Variants in CDK6 observed in about 807,000 individuals in gnomAD.
The protein encoded by CDK6 is cyclin-dependent kinase 6.
A neutral mutation model predicts 37.1 loss-of-function variants in CDK6; 6 were observed. The observed-to-expected ratio is 0.16, with a 90% CI of 0.09 to 0.32. CDK6 has a LOEUF of 0.32. Ranked by LOEUF, CDK6 falls within the 10% of genes least tolerant of loss-of-function variation. CDK6 has a pLI of 1.00. For synonymous variants in CDK6, 160 were observed against 161.3 expected, an observed-to-expected ratio of 0.99 and a Z score of 0.06; for missense variants, 224 against 418.9, an observed-to-expected ratio of 0.53 and a Z score of 4.06.
chr7:92,639,723 C>T (rs1243657540), intron 5 of CDK6, among the ~76,000 whole-genome samples: 1 of 152,082 alleles, frequency 6.6e-6, no homozygotes, highest in Non-Finnish European at 1.5e-5. Flanking sequence ...TTTCCTTTAC[C>T]ACAGCCTCTA....
chr7:92,699,677 T>C (rs1797798703), intron 4 of CDK6, among the ~76,000 whole-genome samples: 1 of 152,222 alleles, frequency 6.6e-6, no homozygotes, highest in Admixed American at 6.5e-5. Flanking sequence ...GCCTACTAGG[T>C]GACAAGCATT....
At chr7:92,615,712 C>T (rs1375218832) in intron 7 of CDK6, among the ~76,000 whole-genome samples, 1 of 152,148 alleles carries the variant, frequency 6.6e-6, no homozygotes, top group Non-Finnish European at 1.5e-5. Context: ...GTAGCTCTCT[C>T]AGGGGACCAT....
chr7:92,769,659 G>A (rs990731090), intron 3 of CDK6, among the ~76,000 whole-genome samples: 1 of 152,100 alleles, frequency 6.6e-6, no homozygotes, highest in African/African-American at 2.4e-5. Context: ...TAGTAAAAGA[G>A]GGCATTACAT....
intron 7 of CDK6, among the ~76,000 whole-genome samples, chr7:92,616,578 G>A (rs1048390493): frequency 1.5e-4 from 23 of 152,302 alleles, no homozygotes; most frequent in African/African-American, 5.5e-4. Flanking sequence ...TGCAAGGGCT[G>A]AATTCCCAAA....
At chr7:92,809,002 C>T (rs1800805753) in intron 2 of CDK6, among the ~76,000 whole-genome samples, 1 of 152,056 alleles carries the variant, frequency 6.6e-6, no homozygotes, top group Non-Finnish European at 1.5e-5. Context: ...AAGATGAAAA[C>T]ACATAAACAC....
Position 92,833,377 on chromosome 7 carries a change from C to T in CDK6, c.-54G>A. On this transcript the variant is annotated 5_prime_UTR_variant, in exon 2 of 8. Coordinates refer to ENST00000424848, the MANE Select transcript of CDK6 (RefSeq NM_001145306.2). This position sits in a 1 kb window ranked among gnomAD's most constrained non-coding sequence, Gnocchi z 6.1. Reference sequence around the variant, plus strand: ...CGCTGGGGCGGGCGGGGGGTGCGCTCAACTAGCTGGCGGCCGCCGCTCGCC... The same window carrying T: ...CGCTGGGGCGGGCGGGGGGTGCGCTTAACTAGCTGGCGGCCGCCGCTCGCC... 1 of 1,318,310 alleles carries T rather than the reference C, an allele frequency of 7.6e-7. No individual in the cohort carries two copies. Among genetic ancestry groups the T allele is most frequent in the Non-Finnish European group, 1.0e-6 (1 of 973,074 alleles). 81.7% of individuals were successfully genotyped at this position (1,318,310 alleles called of 1,614,324 possible).
intron 2 of CDK6, among the ~76,000 whole-genome samples, chr7:92,826,921 A>G (rs942569489): frequency 1.3e-5 from 2 of 152,160 alleles, no homozygotes; most frequent in African/African-American, 4.8e-5. Flanking sequence ...AAAATACACA[A>G]TCCTGGTTCT....
chr7:92,690,066 A>T (rs1797567972), intron 4 of CDK6, among the ~76,000 whole-genome samples: 1 of 151,934 alleles, frequency 6.6e-6, no homozygotes, highest in African/African-American at 2.4e-5. Context: ...CCCATTCTGT[A>T]GGCTGTTTAC....
At chr7:92,665,744 A>C (rs963366459) in intron 5 of CDK6, among the ~76,000 whole-genome samples, 1 of 152,254 alleles carries the variant, frequency 6.6e-6, no homozygotes, top group African/African-American at 2.4e-5. Context: ...TTGCTGCTAC[A>C]TCACAGTAAT....
intron 3 of CDK6, among the ~76,000 whole-genome samples, chr7:92,758,515 G>A (rs2374593): frequency 0.19 from 28,677 of 151,924 alleles, 3,851 homozygotes; most frequent in African/African-American, 0.37. Flanking sequence ...TACCAGTACC[G>A]TGCTGCTTTG....
intron 2 of CDK6, among the ~76,000 whole-genome samples, chr7:92,826,080 T>C (rs1270170009): frequency 1.3e-5 from 2 of 152,148 alleles, no homozygotes; most frequent in Non-Finnish European, 2.9e-5. Flanking sequence ...TTTCACATGA[T>C]AGAAATAATT....
chr7:92,619,546 G>C (rs1247590484), intron 6 of CDK6, among the ~76,000 whole-genome samples: 1 of 151,440 alleles, frequency 6.6e-6, no homozygotes, highest in African/African-American at 2.4e-5. Context: ...TACTTGTTGG[G>C]ACTAAGGCCC....
intron 4 of CDK6, among the ~76,000 whole-genome samples, chr7:92,699,995 G>A (rs1316527820): frequency 6.6e-6 from 1 of 152,194 alleles, no homozygotes. Context: ...TACTCTGCAG[G>A]TGCCTGGCTC....
At chr7:92,726,420 G>T (rs999260108) in intron 3 of CDK6, among the ~76,000 whole-genome samples, 6 of 151,278 alleles carry the variant, frequency 4.0e-5, no homozygotes, top group Non-Finnish European at 7.4e-5. Flanking sequence ...TTAACTGTTT[G>T]TTTTTTTTTA....
chr7:92,725,623 C>T lies in CDK6; in HGVS notation c.537+3G>A, dbSNP rs748222375. The T allele has an allele frequency of 7.5e-6, 12 of 1,609,262 alleles. No homozygotes were observed. Among genetic ancestry groups the T allele is most frequent in the South Asian group, 6.7e-5 (6 of 90,122 alleles). ...AATAAAAGGACAGCACTCTCTCACT[C>T]ACCACTGAGGTTAGAGCCATCTGGA... On this transcript the variant is annotated splice_donor_region_variant and intron_variant, in intron 4 of 7. Coordinates refer to ENST00000424848, the MANE Select transcript of CDK6 (RefSeq NM_001145306.2).
rs530789950 is a variant in CDK6, at chr7:92,768,521, T to C, written c.369+6175A>G. Among the ~76,000 whole-genome samples the C allele has an allele frequency of 1.1e-4, 17 of 152,348 alleles. No homozygotes were observed. In the South Asian group the frequency reaches 1.4e-3, roughly 13 times the overall value. ...AATTATTTCCTGTTACTATGAAAAG[T>C]AGTTTGCATCAAATACCAGGAGAGA... is the stretch of plus-strand genomic sequence containing the variant. On this transcript the variant is annotated intron_variant, in intron 3 of 7. Coordinates refer to ENST00000424848, the MANE Select transcript of CDK6 (RefSeq NM_001145306.2).
intron 3 of CDK6, among the ~76,000 whole-genome samples, chr7:92,738,591 A>G (rs1043648606): frequency 1.3e-5 from 2 of 150,852 alleles, no homozygotes; most frequent in African/African-American, 2.4e-5. Flanking sequence ...GTGAGCCAAG[A>G]CCGGCCACTG....
chr7:92,634,086 T>C (rs1250959255), intron 5 of CDK6, among the ~76,000 whole-genome samples: 1 of 152,182 alleles, frequency 6.6e-6, no homozygotes, highest in Non-Finnish European at 1.5e-5. Flanking sequence ...GTTTGTGACT[T>C]CTTAATGCTT....
At chr7:92,821,609 G>A (rs1801173449) in intron 2 of CDK6, among the ~76,000 whole-genome samples, 1 of 151,614 alleles carries the variant, frequency 6.6e-6, no homozygotes, top group Non-Finnish European at 1.5e-5. Flanking sequence ...CAACTGACTG[G>A]GAACACCACA....
Sources: gnomAD v4.1 joint callset for allele counts (sites outside exome capture counted in the v4.1 genomes callset) on GRCh38, gnomAD v4.1.1 for gene constraint, Gnocchi (gnomAD v3.1) non-coding constraint, MANE v1.5 for transcripts, NCBI Gene and HGNC (gene_info 2026-07-23, HGNC 2026-07-21) for gene names.